The following SLC41A2 variants were observed in gnomAD, a reference collection of about 807,000 sequenced individuals.
The protein encoded by SLC41A2 is solute carrier family 41 member 2.
Under a neutral mutation model 58.3 loss-of-function variants are expected in SLC41A2, and 32 were observed. The observed-to-expected ratio is 0.55, with a 90% CI of 0.41 to 0.74. SLC41A2 has a LOEUF of 0.74. Ranked by LOEUF, SLC41A2 falls within the 30% of genes least tolerant of loss-of-function variation. The pLI is 0.00. For synonymous variants in SLC41A2, 190 were observed against 235.0 expected, an observed-to-expected ratio of 0.81 and a Z score of 1.75; for missense variants, 514 against 680.6, an observed-to-expected ratio of 0.76 and a Z score of 2.72.
At chr12:104,890,348 T>C (rs1593081679) in intron 4 of SLC41A2, among the ~76,000 whole-genome samples, 1 of 152,114 alleles carries the variant, frequency 6.6e-6, no homozygotes, top group South Asian at 2.1e-4. Flanking sequence ...CCATGATGAG[T>C]GTAGCAGTTA....
At chr12:104,949,894 C>T (rs920542697) in intron 1 of SLC41A2, among the ~76,000 whole-genome samples, 2 of 151,970 alleles carry the variant, frequency 1.3e-5, no homozygotes, top group Non-Finnish European at 2.9e-5. Flanking sequence ...GTGCACTGAA[C>T]CTTTAAGAAC....
chr12:104,945,194 AAAGT>A (rs1382661784), intron 1 of SLC41A2, among the ~76,000 whole-genome samples: 3 of 150,904 alleles, frequency 2.0e-5, no homozygotes, highest in African/African-American at 7.3e-5. Context: ...ATAAAAATAA[AAAGT>A]AAGAAAAGAA....
rs113977544 is a variant in SLC41A2, at chr12:104,947,692, C to T, written c.-168+10396G>A. ...CTGACCAGTATAAATACATACTAAA[C>T]GGTACATATATATACCAAAAAGTAC... On this transcript the variant is annotated intron_variant, in intron 1 of 10. Coordinates refer to ENST00000258538, the MANE Select transcript of SLC41A2 (RefSeq NM_001352171.3). Among the ~76,000 whole-genome samples, 910 of 151,720 alleles carry T rather than the reference C, an allele frequency of 6.0e-3. 7 individuals are homozygous for T. The highest frequency in any genetic ancestry group is 0.019 in the African/African-American group (805 of 41,354).
intron 1 of SLC41A2, among the ~76,000 whole-genome samples, chr12:104,934,168 T>A (rs1269068026): frequency 1.3e-5 from 2 of 151,664 alleles, no homozygotes; most frequent in African/African-American, 2.4e-5. Flanking sequence ...TATCCATCAA[T>A]CCATCAATGA....
chr12:104,893,362 TG>T (rs2045111339), intron 4 of SLC41A2, among the ~76,000 whole-genome samples: 1 of 152,168 alleles, frequency 6.6e-6, no homozygotes, highest in Non-Finnish European at 1.5e-5. Context: ...TAACAAATGC[TG>T]GTGAGGATGT....
At chr12:104,878,277 CT>C (rs1212437319) in intron 6 of SLC41A2, among the ~76,000 whole-genome samples, 1 of 140,958 alleles carries the variant, frequency 7.1e-6, no homozygotes, top group Non-Finnish European at 1.5e-5. Context: ...ATATCCAAAT[CT>C]GCAAATAATA....
chr12:104,953,351 C>G (rs909410163), intron 1 of SLC41A2, among the ~76,000 whole-genome samples: 3 of 152,222 alleles, frequency 2.0e-5, no homozygotes, highest in African/African-American at 7.2e-5. Context: ...GTTTACTTCT[C>G]TCTGCAATGA....
At chr12:104,820,953 G>A (rs989333880) in intron 10 of SLC41A2, among the ~76,000 whole-genome samples, 10 of 152,064 alleles carry the variant, frequency 6.6e-5, no homozygotes, top group African/African-American at 2.4e-4. Context: ...CCTAATGCAG[G>A]GAATTTCTAT....
intron 5 of SLC41A2, among the ~76,000 whole-genome samples, chr12:104,888,788 T>C (rs2044798921): frequency 6.6e-6 from 1 of 152,142 alleles, no homozygotes; most frequent in Non-Finnish European, 1.5e-5. Context: ...TTCCTGATCT[T>C]TTTGAGGAAC....
intron 10 of SLC41A2, 143 bp downstream of exon 10, chr12:104,844,329 G>T: frequency 2.2e-6 from 1 of 446,746 alleles, no homozygotes; most frequent in Non-Finnish European, 3.8e-6. Context: ...ATTGTTTATT[G>T]GTTTTAAGAA....
At chr12:104,896,422 G>C (rs10507185) in intron 3 of SLC41A2, among the ~76,000 whole-genome samples, 66,664 of 151,998 alleles carry the variant, frequency 0.44, 15,412 homozygotes, top group Middle Eastern at 0.53. Flanking sequence ...TAAATCATTG[G>C]TGAAATTCAT....
chr12:104,871,657 T>A (rs2043784358), intron 6 of SLC41A2, among the ~76,000 whole-genome samples: 1 of 152,240 alleles, frequency 6.6e-6, no homozygotes, highest in East Asian at 1.9e-4. Flanking sequence ...AATGATTTTT[T>A]GTTACAATCT....
intron 6 of SLC41A2, among the ~76,000 whole-genome samples, chr12:104,877,342 C>T (rs1359220181): frequency 6.6e-6 from 1 of 152,086 alleles, no homozygotes; most frequent in African/African-American, 2.4e-5. Context: ...TGAACACAGA[C>T]ACTTTAGAAA....
chr12:104,887,206 T>C (rs2044713233), intron 5 of SLC41A2, among the ~76,000 whole-genome samples: 1 of 152,000 alleles, frequency 6.6e-6, no homozygotes, highest in South Asian at 2.1e-4. Flanking sequence ...AAACTTTAAA[T>C]GTGCTAACCA....
At position 104,866,380 on chromosome 12, in the gene SLC41A2, GTACACACA is replaced by G. The variant is rs1313635636; in HGVS notation, c.1175+44_1175+51del. 1.1e-4 allele frequency: 148 copies of G among 1,381,628 alleles called. No individual in the cohort carries two copies. In the African/African-American group the frequency reaches 1.3e-3, roughly 12 times the overall value. 85.6% of individuals were successfully genotyped at this position (1,381,628 alleles called of 1,614,324 possible). A position where few individuals can be genotyped will look rare whatever the true frequency, so the allele number is the denominator to read the frequency against. ...AGAAGACACACAAAGACAGACAGAC[GTACACACA>G]CACACACACACACACACACACACAC... On this transcript the variant is annotated intron_variant, in intron 7 of 10. Coordinates refer to ENST00000258538, the MANE Select transcript of SLC41A2 (RefSeq NM_001352171.3).
Position 104,895,262 on chromosome 12 carries a change from T to C in SLC41A2, c.735+12A>G. ...CACCCAAGATCTGTAAACAAATATG[T>C]GTACCACTTACCTGCTTTAAAGCCA... On this transcript the variant is annotated intron_variant, in intron 4 of 10. Coordinates refer to ENST00000258538, the MANE Select transcript of SLC41A2 (RefSeq NM_001352171.3). The C allele has an allele frequency of 1.9e-6, 3 of 1,603,318 alleles. No individual in the cohort carries two copies. The highest frequency in any genetic ancestry group is 2.2e-5 in the South Asian group (2 of 90,820).
chr12:104,925,273 T>C (rs1166826699), intron 2 of SLC41A2, among the ~76,000 whole-genome samples: 1 of 152,196 alleles, frequency 6.6e-6, no homozygotes, highest in Non-Finnish European at 1.5e-5. Flanking sequence ...AAAATATTTA[T>C]ATCGGCCAGG....
chr12:104,877,228 A>G (rs2044092355), intron 6 of SLC41A2, among the ~76,000 whole-genome samples: 1 of 152,220 alleles, frequency 6.6e-6, no homozygotes, highest in Non-Finnish European at 1.5e-5. Context: ...TGGAATTTAA[A>G]TGTGCCTGTT....
chr12:104,934,839 G>A (rs2047198673), intron 1 of SLC41A2, among the ~76,000 whole-genome samples: 1 of 152,210 alleles, frequency 6.6e-6, no homozygotes. Context: ...CTTAGAAACA[G>A]AGAGTAGACA....
Sources: gnomAD v4.1 joint callset for allele counts (sites outside exome capture counted in the v4.1 genomes callset) on GRCh38, gnomAD v4.1.1 for gene constraint, MANE v1.5 for transcripts, NCBI Gene and HGNC (gene_info 2026-07-23, HGNC 2026-07-21) for gene names.